SLC7A11: variants seen among roughly 807,000 people sequenced by gnomAD.
SLC7A11 encodes the protein solute carrier family 7 member 11, also known as cystine/glutamate transporter.
Under a neutral mutation model 54.5 loss-of-function variants are expected in SLC7A11, and 35 were observed. That is an observed-to-expected ratio of 0.64 (90% CI 0.49 to 0.85). The LOEUF (loss-of-function observed/expected upper bound fraction) is 0.85, where lower values mean the gene tolerates loss of function less well. SLC7A11 is among the 40% of genes least tolerant of loss of function. The probability of loss-of-function intolerance (pLI) is 0.00; values close to 1 mark genes in which losing one functional copy is unlikely to be tolerated. For missense variants in SLC7A11, 583 were observed against 618.1 expected (o/e 0.94, Z 0.60); for synonymous variants, 230 against 225.2 (o/e 1.02, Z -0.19).
Position 138,167,138 on chromosome 4 carries a change from AATC to A in SLC7A11, c.*4815_*4817del, listed in dbSNP as rs1365056888. On this transcript the variant is annotated 3_prime_UTR_variant, in exon 12 of 12. Transcript: ENST00000280612. ...AGCATACCTTTAGCTATTATTTAAA[AATC>A]TTTTTTTTTTTTTTTTTTTTTTTTT... The A allele has an allele frequency of 6.7e-6, 1 of 150,174 alleles. No individual in the cohort carries two copies. The highest frequency in any genetic ancestry group is 1.5e-5 in the Non-Finnish European group (1 of 67,652). 9.3% of individuals were successfully genotyped at this position (150,174 alleles called of 1,614,324 possible).
intron 6 of SLC7A11, among the ~76,000 whole-genome samples, chr4:138,207,074 C>T (rs1241494416): frequency 6.7e-6 from 1 of 149,052 alleles, no homozygotes; most frequent in Non-Finnish European, 1.5e-5. Context: ...AGCAGTGTCA[C>T]ATTTTAAGAT....
chr4:138,185,155 G>T lies in SLC7A11; in HGVS notation c.881C>A (p.Ala294Asp). The T allele has an allele frequency of 1.2e-6, 2 of 1,612,998 alleles. No homozygotes were observed. The highest frequency in any genetic ancestry group is 3.3e-4 in the Middle Eastern group (2 of 6,048). The change falls in exon 7 of 12, where the codon GCT (alanine) becomes GAT (aspartate). Residue 294 changes from alanine to aspartate, a missense_variant. Ala to Asp is a moderately radical substitution (Grantham distance 126). Coordinates refer to ENST00000280612, the MANE Select transcript of SLC7A11 (RefSeq NM_014331.4). ...TGCATTTGAAAGCAGCAGCTCCTCA[G>T]CATTAATGGTCGTAAAGTAGGCCAC... ...TNVAYFTTIN[A>D]EELLLSNAVA...
At chr4:138,197,073 G>GA (rs1236108501) in intron 6 of SLC7A11, among the ~76,000 whole-genome samples, 1 of 152,184 alleles carries the variant, frequency 6.6e-6, no homozygotes, top group Non-Finnish European at 1.5e-5. Flanking sequence ...TGTCAAGAAT[G>GA]AAAAGGTATC....
chr4:138,180,875 C>T (rs1311421979), intron 9 of SLC7A11, 85 bp from the exon 10 acceptor site: 3 of 1,172,164 alleles, frequency 2.6e-6, no homozygotes, highest in African/African-American at 1.6e-5. Context: ...GCATTACGAC[C>T]TTTTTCAAAT....
At position 138,177,489 on chromosome 4, in the gene SLC7A11, C is replaced by T. The variant is rs575959536; in HGVS notation, c.1444+1728G>A. ...TCCCTCTCTCTCTCTCTCTCTCCGC[C>T]CCCCCCACTTCCACAAGGGATCCAG... On this transcript the variant is annotated intron_variant, in intron 11 of 11. Transcript: ENST00000280612. 15 of 151,782 alleles carry T rather than the reference C, an allele frequency of 9.9e-5. No homozygotes were observed. The East Asian group carries it at 1.9e-3, about 20-fold the overall frequency. 9.4% of individuals were successfully genotyped at this position (151,782 alleles called of 1,614,324 possible).
At chr4:138,194,830 A>G (rs77669130) in intron 6 of SLC7A11, among the ~76,000 whole-genome samples, 7 of 152,204 alleles carry the variant, frequency 4.6e-5, no homozygotes, top group Non-Finnish European at 7.3e-5. Flanking sequence ...AATGAAATCT[A>G]AAGTTCGTTT....
chr4:138,184,773 G>C (rs932318784), intron 7 of SLC7A11, among the ~76,000 whole-genome samples: 6 of 130,176 alleles, frequency 4.6e-5, no homozygotes, highest in African/African-American at 1.6e-4. Flanking sequence ...AAAGTGTACA[G>C]AATAAATTGT....
At chr4:138,225,069 CAAAAA>C (rs936377916) in intron 3 of SLC7A11, among the ~76,000 whole-genome samples, 1 of 134,270 alleles carries the variant, frequency 7.4e-6, no homozygotes, top group African/African-American at 2.7e-5. Flanking sequence ...CAGAACAAAA[CAAAAA>C]AAAGAGGGGT....
In SLC7A11 at chr4:138,207,861, A is replaced by T. The variant is rs1261661914; in HGVS notation, c.791+6724T>A. 2.0e-5 allele frequency among the ~76,000 whole-genome samples: 3 copies of T among 152,118 alleles called. No homozygotes were observed. In the East Asian group the frequency reaches 5.8e-4, roughly 29 times the overall value. Reference sequence around the variant, plus strand: ...CCTATTTTGTTTTCTTATGTTTTTTACTCAGGTAACGGTTATAAAACTGTC... The same window carrying T: ...CCTATTTTGTTTTCTTATGTTTTTTTCTCAGGTAACGGTTATAAAACTGTC... On this transcript the variant is annotated intron_variant, in intron 6 of 11. Transcript: ENST00000280612.
At chr4:138,219,412 C>T in intron 4 of SLC7A11, 47 bp from the exon 5 acceptor site, 1 of 1,075,752 alleles carries the variant, frequency 9.3e-7, no homozygotes, top group East Asian at 2.3e-5. Context: ...AGAATTGGTT[C>T]TTATTCACTC....
At chr4:138,237,730 TATATA>T (rs1398681630) in intron 1 of SLC7A11, among the ~76,000 whole-genome samples, 27 of 12,796 alleles carry the variant, frequency 2.1e-3, no homozygotes, top group Non-Finnish European at 3.6e-3. Flanking sequence ...TATATATATA[TATATA>T]TATTTTTTTT....
intron 6 of SLC7A11, among the ~76,000 whole-genome samples, chr4:138,206,890 G>A (rs1409810575): frequency 1.3e-5 from 2 of 149,754 alleles, no homozygotes; most frequent in African/African-American, 2.5e-5. Flanking sequence ...GCCAAATACC[G>A]ATCTTTTGTC....
intron 6 of SLC7A11, among the ~76,000 whole-genome samples, chr4:138,198,105 C>A (rs1433936416): frequency 1.3e-5 from 2 of 150,492 alleles, no homozygotes; most frequent in Non-Finnish European, 3.0e-5. Flanking sequence ...AAAATCCATT[C>A]CAGATAAGGT....
intron 6 of SLC7A11, among the ~76,000 whole-genome samples, chr4:138,185,955 G>C (rs1736865914): frequency 6.6e-6 from 1 of 152,106 alleles, no homozygotes. Flanking sequence ...AAGATCGTGA[G>C]TATCTAATAA....
chr4:138,189,316 T>C (rs186584301), intron 6 of SLC7A11, among the ~76,000 whole-genome samples: 3 of 152,250 alleles, frequency 2.0e-5, no homozygotes, highest in East Asian at 1.9e-4. Context: ...AGAAGGAGCA[T>C]GGGCAAACAA....
intron 6 of SLC7A11, among the ~76,000 whole-genome samples, chr4:138,204,039 G>A (rs912616206): frequency 4.0e-5 from 6 of 151,860 alleles, no homozygotes; most frequent in African/African-American, 9.7e-5. Context: ...CCCGCTGCCC[G>A]AGACATCTTC....
At chr4:138,173,201 C>A (rs545189989) in intron 11 of SLC7A11, among the ~76,000 whole-genome samples, 2 of 152,222 alleles carry the variant, frequency 1.3e-5, no homozygotes, top group African/African-American at 4.8e-5. Flanking sequence ...TCCTGCTAGT[C>A]CTGGAGCTGT....
chr4:138,235,186 A>T (rs1302944022), intron 2 of SLC7A11, among the ~76,000 whole-genome samples: 1 of 152,196 alleles, frequency 6.6e-6, no homozygotes, highest in Non-Finnish European at 1.5e-5. Context: ...TAGAATAAAC[A>T]GGAAATTAAT....
chr4:138,210,610 A>C (rs1485658838), intron 6 of SLC7A11, among the ~76,000 whole-genome samples: 1 of 152,168 alleles, frequency 6.6e-6, no homozygotes, highest in Non-Finnish European at 1.5e-5. Context: ...TTCTCAAAAG[A>C]AGACATACAA....
Sources: gnomAD v4.1 joint callset for allele counts (sites outside exome capture counted in the v4.1 genomes callset) on GRCh38, gnomAD v4.1.1 for gene constraint, MANE v1.5 for transcripts, NCBI Gene and HGNC (gene_info 2026-07-23, HGNC 2026-07-21) for gene names.